CCDC144A: variants seen among roughly 807,000 people sequenced by gnomAD.
CCDC144A encodes coiled-coil domain containing 144A, also known as coiled-coil domain-containing protein 144A.
A neutral mutation model predicts 143.8 loss-of-function variants in CCDC144A; 41 were observed. The ratio of observed to expected loss-of-function variants is 0.29; its 90% CI spans 0.22 to 0.37. The LOEUF (loss-of-function observed/expected upper bound fraction) is 0.37, where lower values mean the gene tolerates loss of function less well. Ranked by LOEUF, CCDC144A falls within the 10% of genes least tolerant of loss-of-function variation. The pLI, the probability that CCDC144A is intolerant of heterozygous loss-of-function variation, is 1.00. For synonymous variants in CCDC144A, 242 were observed against 517.9 expected (o/e 0.47, Z 7.23); for missense variants, 637 against 1,488.8 (o/e 0.43, Z 9.41).
At chr17:16,730,017 T>C (rs1287035494) in intron 9 of CCDC144A, among the ~76,000 whole-genome samples, 1 of 136,880 alleles carries the variant, frequency 7.3e-6, no homozygotes, top group African/African-American at 2.8e-5. Context: ...TTGTTTTTTT[T>C]TGGTAGAGAT....
intron 12 of CCDC144A, among the ~76,000 whole-genome samples, chr17:16,738,266 T>C (rs374284196): frequency 0.089 from 12,487 of 140,194 alleles, 758 homozygotes; most frequent in Non-Finnish European, 0.13. Context: ...AAATCATGTA[T>C]AGTATGTACA....
upstream of CCDC144A, among the ~76,000 whole-genome samples, chr17:16,684,775 T>A (rs9898176): frequency 0.61 from 93,322 of 151,864 alleles, 29,292 homozygotes; most frequent in African/African-American, 0.74. Flanking sequence ...ACCAGCCTGG[T>A]TAACATGGTG....
intron 2 of CCDC144A, among the ~76,000 whole-genome samples, chr17:16,700,220 G>A (rs1911655605): frequency 6.6e-6 from 1 of 152,150 alleles, no homozygotes; most frequent in Non-Finnish European, 1.5e-5. Context: ...CAAGCTACAG[G>A]AGTCATCTCC....
At chr17:16,743,419 T>C (rs2621538) in intron 12 of CCDC144A, among the ~76,000 whole-genome samples, 1 of 152,236 alleles carries the variant, frequency 6.6e-6, no homozygotes, top group Non-Finnish European at 1.5e-5. Flanking sequence ...TTTATTTCTG[T>C]GTTCTCTATT....
chr17:16,768,995 A>G (rs1372563098), intron 15 of CCDC144A, among the ~76,000 whole-genome samples: 3 of 152,180 alleles, frequency 2.0e-5, no homozygotes, highest in Admixed American at 6.5e-5. Context: ...AGATAGATGG[A>G]CATCAACACA....
At chr17:16,749,744 C>G (rs1363081449) in intron 12 of CCDC144A, among the ~76,000 whole-genome samples, 1 of 152,130 alleles carries the variant, frequency 6.6e-6, no homozygotes, top group Non-Finnish European at 1.5e-5. Flanking sequence ...TCTGGAAGTA[C>G]TTGGTTGTTT....
intron 13 of CCDC144A, among the ~76,000 whole-genome samples, 171 bp from the exon 14 acceptor site, chr17:16,762,142 T>C (rs1308584363): frequency 6.6e-6 from 1 of 152,252 alleles, no homozygotes; most frequent in African/African-American, 2.4e-5. Context: ...TGGTGATAAA[T>C]ATGTTAAGCT....
chr17:16,677,531 T>A, the CCDC144A span, among the ~76,000 whole-genome samples: 35,511 of 151,910 alleles, frequency 0.23, 4,847 homozygotes, highest in African/African-American at 0.36. Flanking sequence ...AGGTGATTAC[T>A]TCATGAAGCA....
Position 16,709,298 on chromosome 17 carries a change from T to C in CCDC144A, c.1241T>C (p.Ile414Thr), listed in dbSNP as rs1247513357. Residue 414 changes from isoleucine to threonine, a missense_variant, in exon 5 of 17, where the codon ATT (isoleucine) becomes ACT (threonine). Coordinates refer to ENST00000399273, the MANE Select transcript of CCDC144A (RefSeq NM_001382000.1). ...GATAACAAACCAGGCATTGGACATA[T>C]TTTTAGTACAGATAAGAACTTTCAT... is the stretch of plus-strand genomic sequence containing the variant. Reference protein sequence around the residue: ...DNDNKPGIGHIFSTDKNFHND... With the variant: ...DNDNKPGIGHTFSTDKNFHND... 7.4e-6 allele frequency: 12 copies of C among 1,611,578 alleles called. No homozygotes were observed. Among genetic ancestry groups the C allele is most frequent in the Non-Finnish European group, 1.0e-5 (12 of 1,179,574 alleles).
rs1910971439 is a variant in CCDC144A at position 16,690,337 on chromosome 17, C to T, written c.-64C>T. On this transcript the variant is annotated 5_prime_UTR_variant, in exon 1 of 17. Transcript: ENST00000399273. ...ATTTCTGGCTTGGCGGTCCTCCTTT[C>T]GCAGATTGGAAACCGCGGGCTATCC... 3 of 1,310,294 alleles carry T rather than the reference C, an allele frequency of 2.3e-6. No homozygotes were observed. The highest frequency in any genetic ancestry group is 3.1e-6 in the Non-Finnish European group (3 of 972,516). 81.2% of individuals were successfully genotyped at this position (1,310,294 alleles called of 1,614,324 possible). A position where few individuals can be genotyped will look rare whatever the true frequency, so the allele number is the denominator to read the frequency against.
At chr17:16,715,778 T>C (rs1912713681) in intron 6 of CCDC144A, among the ~76,000 whole-genome samples, 1 of 152,204 alleles carries the variant, frequency 6.6e-6, no homozygotes, top group Non-Finnish European at 1.5e-5. Flanking sequence ...ATTGGCAGAC[T>C]CTCAGCGGCA....
intron 6 of CCDC144A, 147 bp from the exon 7 acceptor site, chr17:16,720,051 C>T: frequency 1.8e-6 from 2 of 1,098,946 alleles, no homozygotes; most frequent in Non-Finnish European, 2.5e-6. Context: ...CTGCATTTTA[C>T]ATTACCTGTA....
At chr17:16,748,315 G>A (rs1161528051) in intron 12 of CCDC144A, among the ~76,000 whole-genome samples, 2 of 152,156 alleles carry the variant, frequency 1.3e-5, no homozygotes, top group Admixed American at 1.3e-4. Flanking sequence ...GATGATGGAC[G>A]TTATTGAAAG....
At chr17:16,755,221 T>C (rs1416676890) in intron 12 of CCDC144A, among the ~76,000 whole-genome samples, 128 of 152,198 alleles carry the variant, frequency 8.4e-4, no homozygotes, top group African/African-American at 3.0e-3. Flanking sequence ...ATTTAAATCA[T>C]GTATATTCAA....
chr17:16,699,982 A>G (rs150295445), intron 2 of CCDC144A, among the ~76,000 whole-genome samples: 15,761 of 152,078 alleles, frequency 0.1, 1,082 homozygotes, highest in Non-Finnish European at 0.16. Context: ...TTGTAGTCAC[A>G]TGTAACACAT....
intron 11 of CCDC144A, among the ~76,000 whole-genome samples, chr17:16,733,659 A>G (rs1913857956): frequency 6.6e-6 from 1 of 150,904 alleles, no homozygotes; most frequent in Non-Finnish European, 1.5e-5. Flanking sequence ...TTCTTTTTTT[A>G]CCACTGGTGT....
In CCDC144A at chr17:16,772,798, G is replaced by GT. The variant is rs1205942406; in HGVS notation, c.4142-695dup. ...CCCTCTTGCATTCCAATAGTGCCCT[G>GT]TTTTATACCTGTCAGGGTATCTATG... is the stretch of plus-strand genomic sequence containing the variant. On this transcript the variant is annotated intron_variant, in intron 16 of 16. Transcript: ENST00000399273. 308 of 1,451,396 alleles carry GT rather than the reference G, an allele frequency of 2.1e-4. No individual in the cohort carries two copies. In the African/African-American group the frequency reaches 4.0e-3, roughly 19 times the overall value. 89.9% of individuals were successfully genotyped at this position (1,451,396 alleles called of 1,614,324 possible). A position where few individuals can be genotyped will look rare whatever the true frequency, so the allele number is the denominator to read the frequency against.
chr17:16,763,871 C>G, intron 14 of CCDC144A, 94 bp from the exon 15 acceptor site: 1 of 1,335,070 alleles, frequency 7.5e-7, no homozygotes, highest in African/African-American at 1.5e-5. Context: ...ATTCCATTTA[C>G]TCTTAATGGC....
At chr17:16,684,345 T>C in the CCDC144A span, 1 of 665,228 alleles carries the variant, frequency 1.5e-6, no homozygotes, top group Non-Finnish European at 2.7e-6. Flanking sequence ...ATGAAGTTAA[T>C]ATCATAATAT....
Sources: allele counts gnomAD v4.1 joint callset (sites outside exome capture counted in the v4.1 genomes callset), GRCh38; gene constraint gnomAD v4.1.1; transcripts MANE v1.5; gene names NCBI Gene and HGNC (gene_info 2026-07-23, HGNC 2026-07-21).